The following KLF12 variants were observed in gnomAD, a reference collection of about 807,000 sequenced individuals.
KLF12 encodes the protein KLF transcription factor 12, also known as Krueppel-like factor 12.
A neutral mutation model predicts 37.8 loss-of-function variants in KLF12; 9 were observed. The ratio of observed to expected loss-of-function variants is 0.24; its 90% confidence interval spans 0.14 to 0.42. KLF12 has a LOEUF of 0.42. Among genes scored for constraint, KLF12 ranks in the 10% least tolerant of loss-of-function variants. KLF12 has a pLI of 1.00. For missense variants in KLF12, 411 were observed against 516.0 expected (o/e 0.80, Z 1.97); for synonymous variants, 208 against 202.1 (o/e 1.03, Z -0.25).
intron 3 of KLF12, among the ~76,000 whole-genome samples, chr13:73,879,197 ACTGT>A (rs1309413996): frequency 6.6e-6 from 1 of 152,166 alleles, no homozygotes; most frequent in African/African-American, 2.4e-5. Flanking sequence ...TGAGTATTAC[ACTGT>A]CTTTCACATG....
chr13:74,029,538 T>G (rs569752430), intron 1 of KLF12, among the ~76,000 whole-genome samples: 1 of 152,222 alleles, frequency 6.6e-6, no homozygotes, highest in South Asian at 2.1e-4. Context: ...ACATAAATCT[T>G]TACGGTTCTC....
At position 73,846,026 on chromosome 13, in the gene KLF12, G is replaced by A. The variant is rs141339758; in HGVS notation, c.471C>T (p.Gly157=). 2.1e-4 allele frequency: 336 copies of A among 1,614,092 alleles called. No homozygotes were observed. The African/African-American group carries it at 4.3e-3, about 21-fold the overall frequency. The change falls in exon 4 of 8, where the codon GGC becomes GGT. Residue 157 remains glycine, a synonymous_variant. Transcript: ENST00000377669. ...GATGGATAATGTGCAAAAACTGCTG[G>A]CCTCCAACACCAGATGCAGAGGCCA...
the KLF12 span, among the ~76,000 whole-genome samples, chr13:74,275,987 GAT>G: frequency 1.4e-5 from 2 of 146,022 alleles, no homozygotes; most frequent in African/African-American, 2.5e-5. Flanking sequence ...TAAGTCCTGG[GAT>G]ATATATATAT....
At chr13:74,103,270 A>T (rs1341462044) in intron 1 of KLF12, among the ~76,000 whole-genome samples, 2 of 152,230 alleles carry the variant, frequency 1.3e-5, no homozygotes, top group South Asian at 2.1e-4. Flanking sequence ...CTGTTGAAAA[A>T]TTTCCATAAT....
At chr13:74,086,019 A>C (rs1438248369) in intron 1 of KLF12, among the ~76,000 whole-genome samples, 1 of 150,818 alleles carries the variant, frequency 6.6e-6, no homozygotes, top group Non-Finnish European at 1.5e-5. Flanking sequence ...ATTATGAAAG[A>C]TATATTGAGT....
chr13:74,278,416 A>G, the KLF12 span, among the ~76,000 whole-genome samples: 1 of 152,166 alleles, frequency 6.6e-6, no homozygotes, highest in Non-Finnish European at 1.5e-5. Flanking sequence ...ATCTCCATCT[A>G]AATTCTTTGT....
chr13:74,083,073 T>C (rs1205743828), intron 1 of KLF12, among the ~76,000 whole-genome samples: 1 of 152,126 alleles, frequency 6.6e-6, no homozygotes, highest in Non-Finnish European at 1.5e-5. Context: ...TTGAAATGGG[T>C]TGGACAAAGT....
At chr13:74,232,680 A>C in the KLF12 span, among the ~76,000 whole-genome samples, 4 of 152,206 alleles carry the variant, frequency 2.6e-5, no homozygotes, top group African/African-American at 9.6e-5. Flanking sequence ...CAAGCTTTTA[A>C]GAAAGTGATA....
chr13:74,082,369 T>C (rs1352300371), intron 1 of KLF12, among the ~76,000 whole-genome samples: 1 of 152,166 alleles, frequency 6.6e-6, no homozygotes, highest in South Asian at 2.1e-4. Flanking sequence ...CTAAAAAACA[T>C]AGCTTGAGCT....
chr13:74,291,917 G>T, the KLF12 span, among the ~76,000 whole-genome samples: 3 of 152,156 alleles, frequency 2.0e-5, no homozygotes, highest in Admixed American at 1.3e-4. Context: ...CTTATTGTTT[G>T]CAGAGTCTGA....
At chr13:74,237,454 A>G in the KLF12 span, among the ~76,000 whole-genome samples, 1 of 137,580 alleles carries the variant, frequency 7.3e-6, no homozygotes, top group African/African-American at 3.4e-5. Flanking sequence ...TGAACTTTAA[A>G]GTAGTTTTTG....
chr13:74,121,321 T>G (rs909133569), intron 1 of KLF12, among the ~76,000 whole-genome samples: 1 of 152,036 alleles, frequency 6.6e-6, no homozygotes, highest in African/African-American at 2.4e-5. Context: ...ATAGTACCAA[T>G]TCTACACAAA....
At position 73,944,017 on chromosome 13, in the gene KLF12, G is replaced by A. The variant is rs371103244; in HGVS notation, c.87C>T (p.Val29=). 24 of 1,612,924 alleles carry A rather than the reference G, an allele frequency of 1.5e-5. No homozygotes were observed. The African/African-American group carries it at 2.8e-4, about 19-fold the overall frequency. The change falls in exon 3 of 8, where the codon GTC becomes GTT. Residue 29 remains valine (V), a synonymous_variant. Transcript: ENST00000377669. ...ATTCCAAAAGCTCTGTTTTGACTCT[G>A]ACTGCCGGCATCCCATCAAGCATTA... is the stretch of plus-strand genomic sequence containing the variant.
At chr13:74,099,712 T>A (rs182239233) in intron 1 of KLF12, among the ~76,000 whole-genome samples, 1 of 152,324 alleles carries the variant, frequency 6.6e-6, no homozygotes, top group East Asian at 1.9e-4. Flanking sequence ...ATAAAATTCC[T>A]CACACATAAT....
intron 3 of KLF12, among the ~76,000 whole-genome samples, chr13:73,881,653 C>A (rs962578268): frequency 6.6e-6 from 1 of 152,074 alleles, no homozygotes; most frequent in Non-Finnish European, 1.5e-5. Context: ...AATTTTTGCA[C>A]AACATGATTT....
At chr13:74,305,818 T>TGACTCTAA in the KLF12 span, among the ~76,000 whole-genome samples, 1 of 152,022 alleles carries the variant, frequency 6.6e-6, no homozygotes, top group Non-Finnish European at 1.5e-5. Context: ...AGAGGAAAAT[T>TGACTCTAA]GACTCTAAGA....
At chr13:73,721,893 A>C (rs1352575013) in intron 6 of KLF12, among the ~76,000 whole-genome samples, 1 of 152,044 alleles carries the variant, frequency 6.6e-6, no homozygotes, top group East Asian at 1.9e-4. Flanking sequence ...TGTATTTCCA[A>C]GGGAAATGTT....
the KLF12 span, among the ~76,000 whole-genome samples, chr13:74,159,682 C>G: frequency 6.6e-6 from 1 of 152,094 alleles, no homozygotes; most frequent in Admixed American, 6.6e-5. Context: ...GCAAGATAGT[C>G]TCTGCTCTAA....
intron 1 of KLF12, among the ~76,000 whole-genome samples, chr13:74,039,638 C>T (rs188900426): frequency 1.4e-4 from 22 of 152,074 alleles, no homozygotes; most frequent in Admixed American, 2.0e-4. Context: ...TGTGCTTTGG[C>T]CTTAAAGATT....
Sources: allele counts gnomAD v4.1 joint callset (sites outside exome capture counted in the v4.1 genomes callset), GRCh38; gene constraint gnomAD v4.1.1; transcripts MANE v1.5; gene names NCBI Gene and HGNC (gene_info 2026-07-23, HGNC 2026-07-21).